The following ZNF724 variants were observed in gnomAD, a reference collection of about 807,000 sequenced individuals.
The protein encoded by ZNF724 is zinc finger protein 724 pseudogene.
A neutral mutation model predicts 29.3 loss-of-function variants in ZNF724; 14 were observed. The observed-to-expected ratio is 0.48, with a 90% CI of 0.32 to 0.75. The LOEUF is 0.75. ZNF724 is among the 30% of genes least tolerant of loss of function. The pLI is 0.04. For missense variants in ZNF724, 557 were observed against 571.2 expected (o/e 0.98, Z 0.25); for synonymous variants, 180 against 193.6 (o/e 0.93, Z 0.58).
At chr19:23,231,878 C>T (rs569507424) in intron 2 of ZNF724, among the ~76,000 whole-genome samples, 7 of 151,990 alleles carry the variant, frequency 4.6e-5, no homozygotes, top group East Asian at 1.9e-4. Flanking sequence ...GGACTACAGG[C>T]GTGCACCACT....
chr19:23,247,445 A>C (rs917170327), intron 1 of ZNF724, among the ~76,000 whole-genome samples: 2 of 152,234 alleles, frequency 1.3e-5, no homozygotes, highest in African/African-American at 4.8e-5. Flanking sequence ...TCAAGGTGAC[A>C]AAACAAAGGA....
intron 2 of ZNF724, among the ~76,000 whole-genome samples, 179 bp from the exon 3 acceptor site, chr19:23,231,540 T>C (rs1414824591): frequency 6.6e-6 from 1 of 152,160 alleles, no homozygotes; most frequent in Non-Finnish European, 1.5e-5. Flanking sequence ...TACTTAGTAG[T>C]ACTGAATCAA....
chr19:23,225,759 AAGT>A (rs2145772351), intron 3 of ZNF724, among the ~76,000 whole-genome samples: 1 of 152,320 alleles, frequency 6.6e-6, no homozygotes, highest in African/African-American at 2.4e-5. Context: ...CATAAAAACA[AAGT>A]AGAAGAGTGT....
At chr19:23,231,501 AT>A in intron 2 of ZNF724, 140 bp from the exon 3 acceptor site, 1 of 677,162 alleles carries the variant, frequency 1.5e-6, no homozygotes, top group Non-Finnish European at 2.2e-6. Flanking sequence ...TTTAGACACT[AT>A]TTTAAATTTG....
intron 1 of ZNF724, among the ~76,000 whole-genome samples, chr19:23,247,699 T>C (rs1972266525): frequency 6.6e-6 from 1 of 152,220 alleles, no homozygotes; most frequent in African/African-American, 2.4e-5. Context: ...TTCACAAATC[T>C]TGGAGAATCC....
chr19:23,249,526 G>A (rs1429549181), intron 1 of ZNF724, among the ~76,000 whole-genome samples: 1 of 152,076 alleles, frequency 6.6e-6, no homozygotes, highest in Non-Finnish European at 1.5e-5. Flanking sequence ...AGCCTCCTGA[G>A]TAGCTGGGAT....
At chr19:23,235,321 A>G (rs1330551063) in intron 1 of ZNF724, among the ~76,000 whole-genome samples, 2 of 152,190 alleles carry the variant, frequency 1.3e-5, no homozygotes, top group Non-Finnish European at 2.9e-5. Context: ...AACACTAAAT[A>G]TAGACAGATG....
chr19:23,240,990 G>A lies in ZNF724; in HGVS notation c.4-8697C>T, dbSNP rs186495462. Among the ~76,000 whole-genome samples the A allele has an allele frequency of 3.1e-3, 464 of 151,982 alleles. 3 individuals carry two copies. The highest frequency in any genetic ancestry group is 4.9e-3 in the Admixed American group (75 of 15,246). On this transcript the variant is annotated intron_variant, in intron 1 of 3. Transcript: ENST00000418100. ...AGAGGTTGCAGTGAGCCAAGATCAC[G>A]CCAGTGCACTCCAACCTGGGCAACA...
At chr19:23,243,862 G>T (rs1313800843) in intron 1 of ZNF724, among the ~76,000 whole-genome samples, 1 of 150,718 alleles carries the variant, frequency 6.6e-6, no homozygotes, top group African/African-American at 2.4e-5. Context: ...AGCGGAGGCT[G>T]CAGTGAGCCG....
chr19:23,245,830 TA>T (rs1972224985), intron 1 of ZNF724, among the ~76,000 whole-genome samples: 1 of 152,134 alleles, frequency 6.6e-6, no homozygotes. Context: ...AATCTAACTT[TA>T]TATTTAAAAG....
At chr19:23,233,810 A>G (rs1056707154) in intron 1 of ZNF724, among the ~76,000 whole-genome samples, 1 of 151,502 alleles carries the variant, frequency 6.6e-6, no homozygotes, top group Admixed American at 6.6e-5. Context: ...AAAAAAAAAA[A>G]TGCCACTTTT....
intron 1 of ZNF724, among the ~76,000 whole-genome samples, chr19:23,234,677 C>T (rs1971996669): frequency 6.6e-6 from 1 of 152,150 alleles, no homozygotes; most frequent in African/African-American, 2.4e-5. Context: ...CTCTGGAACT[C>T]CTGACATCAG....
intron 3 of ZNF724, chr19:23,230,964 A>C: frequency 5.6e-6 from 1 of 179,078 alleles, no homozygotes; most frequent in Non-Finnish European, 1.2e-5. Flanking sequence ...GCTCACCACA[A>C]CCTCTGCCTC....
At chr19:23,235,295 T>C (rs1188367843) in intron 1 of ZNF724, among the ~76,000 whole-genome samples, 4 of 152,170 alleles carry the variant, frequency 2.6e-5, no homozygotes, top group Non-Finnish European at 4.4e-5. Flanking sequence ...CCTTGGTTTT[T>C]TTAAAAAATG....
chr19:23,249,720 G>A (rs942795451), intron 1 of ZNF724, among the ~76,000 whole-genome samples: 4 of 151,946 alleles, frequency 2.6e-5, no homozygotes, highest in Admixed American at 6.6e-5. Flanking sequence ...TTTTAGTAGA[G>A]ATGGGGTTTC....
At chr19:23,247,897 A>G (rs921219262) in intron 1 of ZNF724, among the ~76,000 whole-genome samples, 9 of 152,192 alleles carry the variant, frequency 5.9e-5, no homozygotes, top group Admixed American at 2.0e-4. Flanking sequence ...TCTTCTTGAG[A>G]GGCTACACTC....
At chr19:23,224,994 C>A (rs555292031) in intron 3 of ZNF724, among the ~76,000 whole-genome samples, 18 of 148,874 alleles carry the variant, frequency 1.2e-4, no homozygotes, top group South Asian at 2.2e-4. Context: ...AAAAAAAAAA[C>A]CCCACCAAAT....
chr19:23,248,425 G>C (rs1277000006), intron 1 of ZNF724, among the ~76,000 whole-genome samples: 1 of 152,064 alleles, frequency 6.6e-6, no homozygotes, highest in Non-Finnish European at 1.5e-5. Context: ...GGAGAACTGG[G>C]GGATACACGG....
intron 3 of ZNF724, among the ~76,000 whole-genome samples, chr19:23,230,271 G>C (rs946112880): frequency 1.3e-5 from 2 of 151,982 alleles, no homozygotes; most frequent in African/African-American, 2.4e-5. Flanking sequence ...TGGATTGAAA[G>C]AATAAATATT....
Sources: allele counts gnomAD v4.1 joint callset (sites outside exome capture counted in the v4.1 genomes callset), GRCh38; gene constraint gnomAD v4.1.1; transcripts MANE v1.5; gene names NCBI Gene and HGNC (gene_info 2026-07-23, HGNC 2026-07-21).